PTGR1: variants seen among roughly 807,000 people sequenced by gnomAD.
PTGR1 encodes 15-oxoprostaglandin 13-reductase.
In PTGR1, 23 loss-of-function variants were observed where a neutral mutation model predicts 37.7. The observed-to-expected ratio is 0.61, with a 90% CI of 0.44 to 0.86. PTGR1 has a LOEUF of 0.86. Ranked by LOEUF, PTGR1 falls within the 40% of genes least tolerant of loss-of-function variation. The probability of loss-of-function intolerance (pLI) is 0.00; values close to 1 mark genes in which losing one functional copy is unlikely to be tolerated. For missense variants in PTGR1, 351 were observed against 394.3 expected, an observed-to-expected ratio of 0.89 and a Z score of 0.93; for synonymous variants, 134 against 140.0, an observed-to-expected ratio of 0.96 and a Z score of 0.30.
downstream of PTGR1, among the ~76,000 whole-genome samples, chr9:111,558,425 C>G (rs896125548): frequency 4.6e-5 from 7 of 152,084 alleles, no homozygotes; most frequent in African/African-American, 9.7e-5. Flanking sequence ...TGCCTGTTGT[C>G]TCAGCTAGTT....
At position 111,562,930 on chromosome 9, in the gene PTGR1, T is replaced by A; in HGVS notation, c.*191A>T. ...TGTAGTGAACAGTGAGGTGACTGGT[T>A]GTTGTTGACTTTGAAACTTCCATCC... On this transcript the variant is annotated 3_prime_UTR_variant, in exon 10 of 10. Coordinates refer to ENST00000407693, the MANE Select transcript of PTGR1 (RefSeq NM_001146108.2). The A allele has an allele frequency of 7.2e-7, 1 of 1,383,370 alleles. No individual in the cohort carries two copies. The highest frequency in any genetic ancestry group is 9.4e-7 in the Non-Finnish European group (1 of 1,068,790). 85.7% of individuals were successfully genotyped at this position (1,383,370 alleles called of 1,614,324 possible).
intron 8 of PTGR1, 107 bp downstream of exon 8, chr9:111,574,627 A>G: frequency 1.4e-6 from 1 of 721,954 alleles, no homozygotes; most frequent in Admixed American, 2.9e-5. Context: ...AAAAGAATAT[A>G]TGAAAATCTT....
At chr9:111,550,704 C>A (rs1481185449) in intron 9 of PTGR1, among the ~76,000 whole-genome samples, 1 of 152,190 alleles carries the variant, frequency 6.6e-6, no homozygotes, top group African/African-American at 2.4e-5. Flanking sequence ...ATTTCTTCAA[C>A]TTTATCTTCC....
downstream of PTGR1, among the ~76,000 whole-genome samples, chr9:111,560,926 G>C (rs1473881031): frequency 7.4e-6 from 1 of 135,110 alleles, no homozygotes; most frequent in Non-Finnish European, 1.6e-5. Context: ...CTGGGCAACA[G>C]AGTGAGACTC....
At chr9:111,574,506 AC>A in intron 8 of PTGR1, 1 of 290,978 alleles carries the variant, frequency 3.4e-6, no homozygotes, top group Non-Finnish European at 6.4e-6. Flanking sequence ...ACACCACCAC[AC>A]CCAGCTTATT....
At chr9:111,583,277 T>C (rs931676310) in intron 6 of PTGR1, among the ~76,000 whole-genome samples, 195 bp downstream of exon 6, 7 of 152,258 alleles carry the variant, frequency 4.6e-5, no homozygotes, top group African/African-American at 1.4e-4. Context: ...CTTGATTATC[T>C]GCAATGTTAT....
chr9:111,577,113 C>T (rs889423246), intron 7 of PTGR1: 3 of 151,984 alleles, frequency 2.0e-5, no homozygotes, highest in African/African-American at 7.3e-5. Flanking sequence ...ATCTTACAAC[C>T]TCACAAATAA....
At chr9:111,566,261 T>C (rs1371639344) in intron 9 of PTGR1, among the ~76,000 whole-genome samples, 1 of 152,198 alleles carries the variant, frequency 6.6e-6, no homozygotes, top group Non-Finnish European at 1.5e-5. Flanking sequence ...AGCTTCACTT[T>C]GTTAGAGGGA....
At chr9:111,579,379 A>T (rs1275640321) in intron 6 of PTGR1, among the ~76,000 whole-genome samples, 1 of 151,564 alleles carries the variant, frequency 6.6e-6, no homozygotes, top group Non-Finnish European at 1.5e-5. Flanking sequence ...CTGCCCCCTT[A>T]TCCTTTTTTG....
At chr9:111,574,651 G>T in intron 8 of PTGR1, 83 bp downstream of exon 8, 1 of 785,266 alleles carries the variant, frequency 1.3e-6, no homozygotes, top group South Asian at 2.3e-5. Context: ...AATAATTTCA[G>T]AGTCACTGGC....
intron 9 of PTGR1, chr9:111,564,165 A>G: frequency 4.3e-6 from 4 of 924,114 alleles, no homozygotes; most frequent in Non-Finnish European, 5.4e-6. Context: ...ACCTGATACA[A>G]GTTTTTCGCT....
chr9:111,568,937 A>G (rs534561582), intron 9 of PTGR1, among the ~76,000 whole-genome samples: 1 of 152,330 alleles, frequency 6.6e-6, no homozygotes, highest in East Asian at 1.9e-4. Flanking sequence ...GAACCACCAG[A>G]ATCTCCTTAG....
chr9:111,549,809 C>T (rs751792658), intron 9 of PTGR1: 1 of 1,485,174 alleles, frequency 6.7e-7, no homozygotes, highest in South Asian at 1.2e-5. Flanking sequence ...TCTGTCAACA[C>T]AATCAGAACA....
intron 1 of PTGR1, 195 bp downstream of exon 1, chr9:111,599,408 T>G (rs1829876803): frequency 6.6e-6 from 1 of 152,340 alleles, no homozygotes; most frequent in African/African-American, 2.4e-5. Flanking sequence ...TCCAAGGAAC[T>G]GCGGGGGCGG....
chr9:111,579,881 T>C (rs1589310163), intron 6 of PTGR1, among the ~76,000 whole-genome samples: 2 of 152,326 alleles, frequency 1.3e-5, no homozygotes, highest in Middle Eastern at 3.4e-3. Context: ...TCATAGAAAC[T>C]AGCTTTTCAG....
chr9:111,587,097 A>G (rs7028222), intron 4 of PTGR1, among the ~76,000 whole-genome samples: 94,090 of 151,798 alleles, frequency 0.62, 29,376 homozygotes, highest in African/African-American at 0.67. Flanking sequence ...TTACAGGTGT[A>G]AGCCACTGCG....
At chr9:111,583,688 T>A (rs1829348864) in intron 5 of PTGR1, 99 bp from the exon 6 acceptor site, 2 of 933,458 alleles carry the variant, frequency 2.1e-6, no homozygotes, top group Admixed American at 4.2e-5. Context: ...CCCAGTGCCA[T>A]GGGTCCAAGT....
chr9:111,558,339 C>G (rs1828183087), downstream of PTGR1, among the ~76,000 whole-genome samples: 1 of 152,048 alleles, frequency 6.6e-6, no homozygotes, highest in African/African-American at 2.4e-5. Flanking sequence ...TGTGTTCTTT[C>G]AACATGACTT....
At chr9:111,576,506 G>A (rs1829061896) in intron 7 of PTGR1, 3 of 1,554,470 alleles carry the variant, frequency 1.9e-6, no homozygotes, top group South Asian at 2.3e-5. Context: ...CTGGTTCGGG[G>A]AAGAGCTGGA....
Sources: allele counts gnomAD v4.1 joint callset (sites outside exome capture counted in the v4.1 genomes callset), GRCh38; gene constraint gnomAD v4.1.1; transcripts MANE v1.5; gene names NCBI Gene and HGNC (gene_info 2026-07-23, HGNC 2026-07-21).